The following SASH1 variants were observed in gnomAD, a reference collection of about 807,000 sequenced individuals.
SASH1 encodes the protein SAM and SH3 domain-containing protein 1.
In SASH1, 44 loss-of-function variants were observed where a neutral mutation model predicts 125.2. The ratio of observed to expected loss-of-function variants is 0.35; its 90% CI spans 0.28 to 0.45. The LOEUF (loss-of-function observed/expected upper bound fraction) is 0.45, where lower values mean the gene tolerates loss of function less well. SASH1 is among the 20% of genes least tolerant of loss of function. SASH1 has a pLI of 1.00. For synonymous variants in SASH1, 639 were observed against 649.1 expected (o/e 0.98, Z 0.24); for missense variants, 1,426 against 1,614.5 (o/e 0.88, Z 2.00).
At chr6:148,316,930 C>T (rs1009583997) in intron 1 of SASH1, among the ~76,000 whole-genome samples, 2 of 152,108 alleles carry the variant, frequency 1.3e-5, no homozygotes, top group East Asian at 3.9e-4. Context: ...AATAGAAGAA[C>T]CTCTGAGACT....
At position 148,551,239 on chromosome 6, in the gene SASH1, G is replaced by A. The variant is rs765193708; in HGVS notation, c.*2681G>A. 6.6e-6 allele frequency: 1 copy of A among 152,578 alleles called. No homozygotes were observed. Among genetic ancestry groups the A allele is most frequent in the Non-Finnish European group, 1.5e-5 (1 of 68,024 alleles). The allele number at this position is 152,578 out of a possible 1,614,324, so 9.5% of individuals were successfully genotyped here. A position where few individuals can be genotyped will look rare whatever the true frequency, so the allele number is the denominator to read the frequency against. ...TGACTGAGGTGGATTGGGGCTGCCT[G>A]TGGACATTAGTGAACAGGTGGTAGG... is the stretch of plus-strand genomic sequence containing the variant. On this transcript the variant is annotated 3_prime_UTR_variant, in exon 20 of 20. Coordinates refer to ENST00000367467, the MANE Select transcript of SASH1 (RefSeq NM_015278.5).
At chr6:148,443,657 C>T (rs1190699820) in intron 4 of SASH1, among the ~76,000 whole-genome samples, 1 of 151,650 alleles carries the variant, frequency 6.6e-6, no homozygotes, top group Non-Finnish European at 1.5e-5. Flanking sequence ...GATACTTATT[C>T]TTGCATTGAT....
Position 148,458,589 on chromosome 6 carries a change from A to G in SASH1, c.387-9956A>G, listed in dbSNP as rs563857587. Among the ~76,000 whole-genome samples the G allele has an allele frequency of 2.6e-5, 4 of 152,314 alleles. No homozygotes were observed. In the South Asian group the frequency reaches 6.2e-4, roughly 24 times the overall value. On this transcript the variant is annotated intron_variant, in intron 4 of 19. Coordinates refer to ENST00000367467, the MANE Select transcript of SASH1 (RefSeq NM_015278.5). ...CCAGTGGCATAGAGCTTTATTATCT[A>G]TACCAAGCAAACAATAAATCATTGA...
intron 2 of SASH1, among the ~76,000 whole-genome samples, chr6:148,433,046 C>T (rs1776129478): frequency 6.6e-6 from 1 of 152,198 alleles, no homozygotes; most frequent in African/African-American, 2.4e-5. Context: ...CTACTGATTT[C>T]ATCTTGCAAT....
Position 148,546,122 on chromosome 6 carries a change from G to C in SASH1, c.3456G>C (p.Gln1152His). 6.2e-7 allele frequency: 1 copy of C among 1,614,198 alleles called. No individual in the cohort carries two copies. Among genetic ancestry groups the C allele is most frequent in the African/African-American group, 1.3e-5 (1 of 75,072 alleles). Residue 1152 changes from glutamine to histidine, a missense_variant, in exon 19 of 20, where the codon CAG becomes CAC. Physicochemically the swap from Gln to His is conservative, Grantham distance 24 (BLOSUM62 0). This residue lies in a region of SASH1 where 634 missense variants were observed against 694.4 expected (regional missense o/e 0.91). Coordinates refer to ENST00000367467, the MANE Select transcript of SASH1 (RefSeq NM_015278.5). ...ACATGGACCAGATCCGGGTGAAGCA[G>C]CTTCGGAAGCAGCACCGCATGGCGG... ...AANMDQIRVK[Q>H]LRKQHRMAIP...
At chr6:148,193,797 T>C in the SASH1 span, among the ~76,000 whole-genome samples, 1 of 152,244 alleles carries the variant, frequency 6.6e-6, no homozygotes, top group Non-Finnish European at 1.5e-5. Context: ...GATAAATGGC[T>C]TTGAATGAAT....
intron 8 of SASH1, among the ~76,000 whole-genome samples, chr6:148,489,754 T>C (rs1307957341): frequency 6.6e-6 from 1 of 152,134 alleles, no homozygotes; most frequent in Non-Finnish European, 1.5e-5. Flanking sequence ...TTTAAATTTT[T>C]TTCAAATTGT....
intron 1 of SASH1, among the ~76,000 whole-genome samples, chr6:148,351,162 A>G (rs1781711134): frequency 6.7e-6 from 1 of 150,226 alleles, no homozygotes; most frequent in African/African-American, 2.5e-5. Flanking sequence ...CGCTTGAGAA[A>G]GGGCTAGTAT....
chr6:148,243,657 A>G, the SASH1 span, among the ~76,000 whole-genome samples: 7 of 123,264 alleles, frequency 5.7e-5, no homozygotes, highest in African/African-American at 2.2e-4. Flanking sequence ...GTCTCAAAAA[A>G]AAAAAAAAAA....
intron 1 of SASH1, among the ~76,000 whole-genome samples, chr6:148,321,496 G>T (rs1363293330): frequency 6.6e-6 from 1 of 151,874 alleles, no homozygotes; most frequent in Non-Finnish European, 1.5e-5. Context: ...CCCTGAGATT[G>T]CTGTGCTTAA....
chr6:148,202,221 G>C, the SASH1 span, among the ~76,000 whole-genome samples: 1 of 152,112 alleles, frequency 6.6e-6, no homozygotes, highest in African/African-American at 2.4e-5. Flanking sequence ...ACCTGCAATT[G>C]TATGCCAAAA....
intron 2 of SASH1, among the ~76,000 whole-genome samples, chr6:148,439,194 G>A (rs533825865): frequency 8.5e-5 from 13 of 152,294 alleles, no homozygotes; most frequent in Admixed American, 3.3e-4. Context: ...ACTATGAAAT[G>A]AGGGTGTTAC....
intron 2 of SASH1, among the ~76,000 whole-genome samples, chr6:148,398,029 C>G (rs1204570160): frequency 6.6e-6 from 1 of 152,002 alleles, no homozygotes; most frequent in Non-Finnish European, 1.5e-5. Context: ...GAAGACTGAC[C>G]TGGTTGAGGG....
intron 1 of SASH1, among the ~76,000 whole-genome samples, chr6:148,362,121 G>T (rs764606419): frequency 1.3e-5 from 2 of 151,438 alleles, no homozygotes; most frequent in Non-Finnish European, 2.9e-5. Flanking sequence ...TAGAGACGGG[G>T]TTTCTCCGTG....
At chr6:148,254,027 G>A in the SASH1 span, among the ~76,000 whole-genome samples, 1 of 151,940 alleles carries the variant, frequency 6.6e-6, no homozygotes, top group Admixed American at 6.6e-5. Context: ...ACAACATGGT[G>A]GAACTCCATC....
chr6:148,379,347 C>T (rs554123216), intron 1 of SASH1, among the ~76,000 whole-genome samples: 1 of 152,264 alleles, frequency 6.6e-6, no homozygotes, highest in East Asian at 1.9e-4. Context: ...GATATTCCCT[C>T]TGTATGGAAC....
At chr6:148,366,238 C>A (rs532966745) in intron 1 of SASH1, among the ~76,000 whole-genome samples, 2 of 152,052 alleles carry the variant, frequency 1.3e-5, no homozygotes. Flanking sequence ...GAGCTGTGTT[C>A]GCGCCACTGC....
Position 148,519,980 on chromosome 6 carries a change from G to A in SASH1, c.1209+87G>A. 1 of 861,186 alleles carries A rather than the reference G, an allele frequency of 1.2e-6. No individual in the cohort carries two copies. Among genetic ancestry groups the A allele is most frequent in the Non-Finnish European group, 1.7e-6 (1 of 571,806 alleles). 53.3% of individuals were successfully genotyped at this position (861,186 alleles called of 1,614,324 possible). ...CCCTGGAGGAGTTTCAGAGTGTCCG[G>A]AAGCAAATCCGCTTGAAGAAAACGG... On this transcript the variant is annotated intron_variant, in intron 10 of 19. Transcript: ENST00000367467. This position sits in a 1 kb window ranked among gnomAD's most constrained non-coding sequence, Gnocchi z 4.8.
intron 8 of SASH1, among the ~76,000 whole-genome samples, chr6:148,489,726 T>C (rs563485463): frequency 2.0e-5 from 3 of 152,152 alleles, no homozygotes; most frequent in African/African-American, 7.2e-5. Flanking sequence ...TTTGATGTTA[T>C]TGTAAGTGAC....
Sources: allele counts gnomAD v4.1 joint callset (sites outside exome capture counted in the v4.1 genomes callset), GRCh38; gene constraint gnomAD v4.1.1; regional missense constraint gnomAD v4.1.1; non-coding constraint Gnocchi (gnomAD v3.1); transcripts MANE v1.5; gene names NCBI Gene and HGNC (gene_info 2026-07-23, HGNC 2026-07-21).